ABCD2: variants seen among roughly 807,000 people sequenced by gnomAD.
ABCD2 encodes the protein ATP-binding cassette sub-family D member 2.
A neutral mutation model predicts 70.9 loss-of-function variants in ABCD2; 36 were observed. The observed-to-expected ratio is 0.51, with a 90% confidence interval of 0.39 to 0.67. The LOEUF is 0.67. ABCD2 is among the 30% of genes least tolerant of loss of function. The pLI, the probability that ABCD2 is intolerant of heterozygous loss-of-function variation, is 0.00. For synonymous variants in ABCD2, 304 were observed against 306.9 expected, an observed-to-expected ratio of 0.99 and a Z score of 0.10; for missense variants, 729 against 890.2, an observed-to-expected ratio of 0.82 and a Z score of 2.30.
the ABCD2 span, among the ~76,000 whole-genome samples, chr12:39,534,181 G>T: frequency 3.3e-5 from 5 of 152,154 alleles, no homozygotes; most frequent in Admixed American, 3.3e-4. Flanking sequence ...TAGGGTGGTG[G>T]CCCTGTCACA....
At chr12:39,595,229 GA>G (rs1486732608) in intron 6 of ABCD2, among the ~76,000 whole-genome samples, 18 of 152,058 alleles carry the variant, frequency 1.2e-4, no homozygotes, top group Admixed American at 1.2e-3. Context: ...AAAACAGTAG[GA>G]TTTTTTTCAT....
intron 2 of ABCD2, 116 bp from the exon 3 acceptor site, chr12:39,607,830 C>T: frequency 1.4e-6 from 1 of 698,724 alleles, no homozygotes; most frequent in Non-Finnish European, 2.4e-6. Context: ...ATTAATTTTT[C>T]ATTAGTAGTA....
intron 9 of ABCD2, among the ~76,000 whole-genome samples, chr12:39,569,344 C>A (rs949892997): frequency 6.6e-6 from 1 of 152,214 alleles, no homozygotes; most frequent in Non-Finnish European, 1.5e-5. Context: ...CCCTCCCCAG[C>A]CTTGCTGCCG....
chr12:39,556,589 A>C (rs1941169268), intron 9 of ABCD2, among the ~76,000 whole-genome samples: 1 of 152,160 alleles, frequency 6.6e-6, no homozygotes, highest in African/African-American at 2.4e-5. Context: ...TGAGTCAATT[A>C]AACCCTTTTT....
chr12:39,599,105 T>C (rs71449730), intron 6 of ABCD2, among the ~76,000 whole-genome samples: 116 of 152,204 alleles, frequency 7.6e-4, no homozygotes, highest in Non-Finnish European at 1.2e-3. Context: ...ATTTCATAAC[T>C]AAGAAAAAGT....
chr12:39,614,274 A>G (rs1942085314), intron 2 of ABCD2, among the ~76,000 whole-genome samples: 1 of 152,210 alleles, frequency 6.6e-6, no homozygotes, highest in Admixed American at 6.5e-5. Flanking sequence ...GCTTCTACCT[A>G]GGTTCTTACT....
chr12:39,569,278 G>T (rs1479613737), intron 9 of ABCD2, among the ~76,000 whole-genome samples: 1 of 152,246 alleles, frequency 6.6e-6, no homozygotes, highest in Non-Finnish European at 1.5e-5. Flanking sequence ...GCTCCACCCA[G>T]TTGGAGCTTC....
intron 2 of ABCD2, among the ~76,000 whole-genome samples, chr12:39,612,561 C>T (rs1183998020): frequency 1.3e-5 from 2 of 152,144 alleles, no homozygotes; most frequent in African/African-American, 2.4e-5. Context: ...TTTGTGACAA[C>T]TCATTAACTG....
chr12:39,567,409 C>G (rs558715119), intron 9 of ABCD2, among the ~76,000 whole-genome samples: 4 of 152,172 alleles, frequency 2.6e-5, no homozygotes, highest in Admixed American at 2.6e-4. Flanking sequence ...CTCTTTTGAT[C>G]TTTGTTGGTT....
the ABCD2 span, among the ~76,000 whole-genome samples, chr12:39,544,567 G>A: frequency 1.3e-5 from 2 of 152,220 alleles, no homozygotes; most frequent in East Asian, 1.9e-4. Flanking sequence ...TTGGAGGTTA[G>A]AAGCAAGATG....
intron 2 of ABCD2, among the ~76,000 whole-genome samples, chr12:39,613,534 A>G (rs999650226): frequency 1.3e-5 from 2 of 152,168 alleles, no homozygotes; most frequent in Non-Finnish European, 2.9e-5. Flanking sequence ...GAAACTCTAC[A>G]TAACTAACAC....
At chr12:39,603,539 T>C (rs2120723609) in intron 5 of ABCD2, among the ~76,000 whole-genome samples, 1 of 152,214 alleles carries the variant, frequency 6.6e-6, no homozygotes, top group African/African-American at 2.4e-5. Context: ...TTAAACTTGC[T>C]AATGACTTCT....
chr12:39,603,959 T>C lies in ABCD2; in HGVS notation c.1453A>G (p.Ile485Val). 1.9e-6 allele frequency: 3 copies of C among 1,613,050 alleles called. No homozygotes were observed. Among genetic ancestry groups the C allele is most frequent in the Non-Finnish European group, 1.7e-6 (2 of 1,179,362 alleles). Residue 485 changes from isoleucine to valine, a missense_variant, in exon 5 of 10, where the codon ATA becomes GTA. Transcript: ENST00000308666. ...DHGIICENVP[I>V]ITPAGEVVAS... ...ACCACTTCTCCTGCTGGTGTAATTA[T>C]GGGAACATTTTCACAAATAATTCCG...
intron 9 of ABCD2, among the ~76,000 whole-genome samples, chr12:39,567,246 A>G (rs1003671183): frequency 2.6e-5 from 4 of 152,080 alleles, no homozygotes; most frequent in African/African-American, 7.2e-5. Flanking sequence ...AACTCTCCCA[A>G]TATTATTGTG....
the ABCD2 span, among the ~76,000 whole-genome samples, chr12:39,543,665 A>G: frequency 7.4e-4 from 113 of 152,306 alleles, no homozygotes; most frequent in African/African-American, 2.6e-3. Flanking sequence ...GAAAGTCCAT[A>G]CAATTTCAGC....
intron 9 of ABCD2, among the ~76,000 whole-genome samples, chr12:39,554,348 A>G (rs944170557): frequency 3.1e-4 from 47 of 152,136 alleles, no homozygotes; most frequent in African/African-American, 1.0e-3. Context: ...TATTTTTTTC[A>G]TATTCTGGAT....
chr12:39,557,333 G>A (rs1256531637), intron 9 of ABCD2, among the ~76,000 whole-genome samples: 1 of 152,112 alleles, frequency 6.6e-6, no homozygotes, highest in Non-Finnish European at 1.5e-5. Context: ...AAGCAGCAAA[G>A]CATTTAAGAT....
chr12:39,559,098 C>T (rs576444463), intron 9 of ABCD2, among the ~76,000 whole-genome samples: 27 of 152,156 alleles, frequency 1.8e-4, no homozygotes, highest in African/African-American at 6.0e-4. Context: ...GTCGCCTGGA[C>T]ATGGTGGCTC....
At chr12:39,589,057 C>A (rs549835020) in intron 6 of ABCD2, among the ~76,000 whole-genome samples, 1 of 152,044 alleles carries the variant, frequency 6.6e-6, no homozygotes, top group African/African-American at 2.4e-5. Context: ...TGAAAATATA[C>A]CCTAAATTAA....
Sources: gnomAD v4.1 joint callset for allele counts (sites outside exome capture counted in the v4.1 genomes callset) on GRCh38, gnomAD v4.1.1 for gene constraint, MANE v1.5 for transcripts, NCBI Gene and HGNC (gene_info 2026-07-23, HGNC 2026-07-21) for gene names.